Variants in SYNPR observed in about 807,000 individuals in gnomAD.
SYNPR encodes the protein synaptoporin.
SYNPR carries 23 observed loss-of-function variants against 32.9 expected under a neutral mutation model. That is an observed-to-expected ratio of 0.70 (90% CI 0.50 to 0.99). The LOEUF is 0.99. Ranked by LOEUF, SYNPR falls within the 50% of genes least tolerant of loss-of-function variation. The probability of loss-of-function intolerance (pLI) is 0.00; values close to 1 mark genes in which losing one functional copy is unlikely to be tolerated. For synonymous variants in SYNPR, 146 were observed against 135.9 expected (o/e 1.07, Z -0.52); for missense variants, 318 against 349.3 (o/e 0.91, Z 0.71).
intron 2 of SYNPR, chr3:63,443,502 C>T: frequency 6.3e-7 from 1 of 1,599,262 alleles, no homozygotes; most frequent in Non-Finnish European, 8.5e-7. Flanking sequence ...TTACAGCTGG[C>T]TGTGGGGATA....
chr3:63,593,901 C>G (rs1462299355), intron 4 of SYNPR, among the ~76,000 whole-genome samples: 1 of 152,124 alleles, frequency 6.6e-6, no homozygotes, highest in Non-Finnish European at 1.5e-5. Context: ...CCCCCACTCT[C>G]TTCCATTTTT....
chr3:63,278,351 C>T lies in SYNPR; in HGVS notation c.-183C>T, dbSNP rs1391861836. 8 of 719,070 alleles carry T rather than the reference C, an allele frequency of 1.1e-5. No homozygotes were observed. The highest frequency in any genetic ancestry group is 7.2e-5 in the African/African-American group (4 of 55,526). 44.5% of individuals were successfully genotyped at this position (719,070 alleles called of 1,614,324 possible). ...TCGCTTCCCCGACGCGCTGGGTTCC[C>T]GGAGCGCAGAGCCCAGCGTTAGCGG... is the stretch of plus-strand genomic sequence containing the variant. On this transcript the variant is annotated 5_prime_UTR_variant, in exon 1 of 6. Coordinates refer to ENST00000478300, the MANE Select transcript of SYNPR (RefSeq NM_001130003.2).
chr3:63,610,146 G>A (rs796943780), intron 5 of SYNPR, among the ~76,000 whole-genome samples: 5 of 152,122 alleles, frequency 3.3e-5, no homozygotes, highest in African/African-American at 9.7e-5. Context: ...CCATGCTTCC[G>A]GTTTAGTTAC....
chr3:63,350,870 G>A (rs1313100025), intron 2 of SYNPR, among the ~76,000 whole-genome samples: 1 of 152,160 alleles, frequency 6.6e-6, no homozygotes, highest in East Asian at 1.9e-4. Context: ...GAGCCCATCA[G>A]TTAGTGACTT....
At chr3:63,586,262 C>A (rs1703182693) in intron 4 of SYNPR, among the ~76,000 whole-genome samples, 1 of 151,762 alleles carries the variant, frequency 6.6e-6, no homozygotes, top group Non-Finnish European at 1.5e-5. Flanking sequence ...TGTGTAAATG[C>A]CGCTTGCTCA....
chr3:63,464,158 G>T (rs1219158570), intron 2 of SYNPR, among the ~76,000 whole-genome samples: 1 of 152,126 alleles, frequency 6.6e-6, no homozygotes, highest in African/African-American at 2.4e-5. Context: ...TGCTAGTTCT[G>T]TCATGTTGAT....
At chr3:63,242,608 C>T (rs2086257016) in intron 1 of SYNPR, among the ~76,000 whole-genome samples, 1 of 152,046 alleles carries the variant, frequency 6.6e-6, no homozygotes, top group Non-Finnish European at 1.5e-5. Flanking sequence ...GAGACAAAGT[C>T]ACCCAGTAGA....
chr3:63,370,547 C>T (rs768758405), intron 2 of SYNPR, among the ~76,000 whole-genome samples: 104 of 152,240 alleles, frequency 6.8e-4, no homozygotes, highest in Non-Finnish European at 9.4e-4. Flanking sequence ...TATGCTGAAA[C>T]TTAACTGTGG....
intron 2 of SYNPR, among the ~76,000 whole-genome samples, chr3:63,469,210 G>A (rs1361683163): frequency 6.6e-6 from 1 of 152,168 alleles, no homozygotes; most frequent in South Asian, 2.1e-4. Flanking sequence ...GGAGGAGGAA[G>A]TTGAGGGTTG....
At chr3:63,321,678 G>T (rs996168375) in intron 2 of SYNPR, among the ~76,000 whole-genome samples, 10 of 152,046 alleles carry the variant, frequency 6.6e-5, no homozygotes, top group African/African-American at 2.4e-4. Context: ...TAGAGACACA[G>T]ATAATGCTCT....
chr3:63,226,141 A>G (rs2086126521), upstream of SYNPR, among the ~76,000 whole-genome samples: 1 of 152,298 alleles, frequency 6.6e-6, no homozygotes, highest in South Asian at 2.1e-4. Flanking sequence ...ATCACGATGA[A>G]ATGGGGTTAG....
chr3:63,442,215 G>C (rs1411774515), intron 2 of SYNPR, among the ~76,000 whole-genome samples: 1 of 150,228 alleles, frequency 6.7e-6, no homozygotes, highest in Non-Finnish European at 1.5e-5. Flanking sequence ...GAGAGAAGGA[G>C]ACAGAGATAC....
chr3:63,513,665 G>C (rs1229316826), intron 3 of SYNPR, among the ~76,000 whole-genome samples: 2 of 152,100 alleles, frequency 1.3e-5, no homozygotes, highest in Non-Finnish European at 2.9e-5. Flanking sequence ...AACTGGTATA[G>C]TGGGTTGAAT....
intron 2 of SYNPR, among the ~76,000 whole-genome samples, chr3:63,332,928 G>A (rs530801527): frequency 6.6e-6 from 1 of 152,166 alleles, no homozygotes; most frequent in East Asian, 1.9e-4. Flanking sequence ...TGGCATCCCA[G>A]GCCTCTGCTC....
intron 2 of SYNPR, among the ~76,000 whole-genome samples, chr3:63,317,959 AT>A (rs2087060787): frequency 6.6e-6 from 1 of 151,956 alleles, no homozygotes; most frequent in South Asian, 2.1e-4. Context: ...GTAATGGTGA[AT>A]TCTCTCAGCA....
At chr3:63,495,564 A>T (rs1701354965) in intron 3 of SYNPR, among the ~76,000 whole-genome samples, 1 of 152,226 alleles carries the variant, frequency 6.6e-6, no homozygotes, top group Admixed American at 6.5e-5. Flanking sequence ...ATCTCTGTAC[A>T]CGTGTTTTAT....
intron 3 of SYNPR, among the ~76,000 whole-genome samples, chr3:63,498,026 C>T (rs1011759532): frequency 2.0e-5 from 3 of 152,132 alleles, no homozygotes; most frequent in Admixed American, 2.0e-4. Flanking sequence ...CTTTCAAAGT[C>T]TCACTGTACA....
chr3:63,339,700 C>G (rs2087339295), intron 2 of SYNPR, among the ~76,000 whole-genome samples: 1 of 151,886 alleles, frequency 6.6e-6, no homozygotes, highest in Non-Finnish European at 1.5e-5. Flanking sequence ...CTCTGTCACC[C>G]AGGCTTGAGT....
At chr3:63,340,951 A>G (rs2087361463) in intron 2 of SYNPR, among the ~76,000 whole-genome samples, 1 of 152,170 alleles carries the variant, frequency 6.6e-6, no homozygotes, top group African/African-American at 2.4e-5. Flanking sequence ...GTTTTGTCAA[A>G]TGCATGAGGT....
Sources: allele counts gnomAD v4.1 joint callset (sites outside exome capture counted in the v4.1 genomes callset), GRCh38; gene constraint gnomAD v4.1.1; transcripts MANE v1.5; gene names NCBI Gene and HGNC (gene_info 2026-07-23, HGNC 2026-07-21).